The following MARCHF1 variants were observed in gnomAD, a reference collection of about 807,000 sequenced individuals.
The protein encoded by MARCHF1 is E3 ubiquitin-protein ligase MARCHF1.
Under a neutral mutation model 54.2 loss-of-function variants are expected in MARCHF1, and 40 were observed. That is an observed-to-expected ratio of 0.74 (90% CI 0.57 to 0.96). The LOEUF (loss-of-function observed/expected upper bound fraction) is 0.96, where lower values mean the gene tolerates loss of function less well. MARCHF1 is among the 40% of genes least tolerant of loss of function. MARCHF1 has a pLI of 0.00. For missense variants in MARCHF1, 586 were observed against 656.5 expected, an observed-to-expected ratio of 0.89 and a Z score of 1.17; for synonymous variants, 236 against 236.3, an observed-to-expected ratio of 1.00 and a Z score of 0.01.
chr4:164,241,794 G>A (rs1017687205), intron 1 of MARCHF1, among the ~76,000 whole-genome samples: 1 of 152,216 alleles, frequency 6.6e-6, no homozygotes, highest in African/African-American at 2.4e-5. Context: ...CCGAAGCAGG[G>A]CGAGGCATTG....
chr4:164,370,059 C>T (rs1047107600), intron 1 of MARCHF1, among the ~76,000 whole-genome samples: 1 of 152,162 alleles, frequency 6.6e-6, no homozygotes, highest in African/African-American at 2.4e-5. Context: ...ATCATTGCAG[C>T]ACATTCAAGA....
intron 2 of MARCHF1, among the ~76,000 whole-genome samples, chr4:163,991,319 G>C (rs1360796294): frequency 6.6e-6 from 1 of 152,034 alleles, no homozygotes; most frequent in Non-Finnish European, 1.5e-5. Flanking sequence ...CTGTATCAGG[G>C]GAAAAACATG....
Position 163,737,743 on chromosome 4 carries a change from A to G in MARCHF1, c.112-36880T>C. On this transcript the variant is annotated intron_variant, in intron 4 of 9. Transcript: ENST00000514618. Reference sequence around the variant, plus strand: ...CACACCAGTTAGAATGGCAATCATTAAAAAGTCAGGAAACAACAGGTGCTG... The same window carrying G: ...CACACCAGTTAGAATGGCAATCATTGAAAAGTCAGGAAACAACAGGTGCTG... Among the ~76,000 whole-genome samples the G allele has an allele frequency of 1.7e-5, 2 of 119,850 alleles. 1 individual carries two copies. The highest frequency in any genetic ancestry group is 4.1e-5 in the Non-Finnish European group (2 of 49,012). The allele number at this position is 119,850 out of a possible 152,430, so 78.6% of individuals were successfully genotyped here.
chr4:164,012,388 A>G (rs1432110707), intron 2 of MARCHF1, among the ~76,000 whole-genome samples: 3 of 152,206 alleles, frequency 2.0e-5, no homozygotes, highest in Admixed American at 6.5e-5. Context: ...GATTCCTGAA[A>G]CCCCAGATTC....
At chr4:163,679,205 T>C (rs56306711) in intron 5 of MARCHF1, among the ~76,000 whole-genome samples, 47,014 of 152,220 alleles carry the variant, frequency 0.31, 9,293 homozygotes, top group Non-Finnish European at 0.46. Context: ...CTGGACCTCA[T>C]GTTTGAACTG....
chr4:163,933,834 T>C (rs1301106827), intron 3 of MARCHF1, among the ~76,000 whole-genome samples: 5 of 152,238 alleles, frequency 3.3e-5, no homozygotes, highest in African/African-American at 1.2e-4. Flanking sequence ...TATATATCTG[T>C]GGCAACAGGG....
chr4:163,529,030 T>C lies in MARCHF1; in HGVS notation c.1356A>G (p.Pro452=), dbSNP rs1231467637. 1.9e-6 allele frequency: 3 copies of C among 1,607,280 alleles called. No individual in the cohort carries two copies. Among genetic ancestry groups the C allele is most frequent in the Non-Finnish European group, 2.6e-6 (3 of 1,175,170 alleles). Residue 452 remains proline (P), a synonymous_variant, in exon 10 of 10, where the codon CCA becomes CCG. Transcript: ENST00000514618. Reference sequence around the variant, plus strand: ...CTACCACAACCAGTTTTGTCCAAAATGGCCATTCAAGGACACCTTTGAAAT... The same window carrying C: ...CTACCACAACCAGTTTTGTCCAAAACGGCCATTCAAGGACACCTTTGAAAT... ...QGNDNGVLEW[P]FWTKLVVVAI...
At chr4:164,127,536 G>A (rs1431278639) in intron 1 of MARCHF1, among the ~76,000 whole-genome samples, 2 of 152,094 alleles carry the variant, frequency 1.3e-5, no homozygotes, top group Non-Finnish European at 2.9e-5. Context: ...ATATTCAAGA[G>A]CTGAAACAAT....
intron 2 of MARCHF1, among the ~76,000 whole-genome samples, chr4:164,096,931 C>T (rs4574359): frequency 0.84 from 127,675 of 152,102 alleles, 54,092 homozygotes; most frequent in Non-Finnish European, 0.89. Flanking sequence ...GAAGAAATCA[C>T]TGAAGCCTTT....
chr4:164,330,911 C>T (rs112996225), intron 1 of MARCHF1, among the ~76,000 whole-genome samples: 71 of 152,182 alleles, frequency 4.7e-4, no homozygotes, highest in African/African-American at 9.6e-4. Context: ...GATATAATGA[C>T]GCTCCAGTTC....
At position 163,548,501 on chromosome 4, in the gene MARCHF1, A is replaced by G. The variant is rs1738986839; in HGVS notation, c.1192-2758T>C. Among the ~76,000 whole-genome samples the G allele has an allele frequency of 3.3e-5, 5 of 152,342 alleles. No homozygotes were observed. In the South Asian group the frequency reaches 1.0e-3, roughly 32 times the overall value. ...AGAATGGACCAAATCATTTGTAAAG[A>G]TTCATCTAGTTCCAGACAATAGAAG... On this transcript the variant is annotated intron_variant, in intron 8 of 9. Coordinates refer to ENST00000514618, the MANE Select transcript of MARCHF1 (RefSeq NM_001394959.1).
At chr4:163,608,510 A>G (rs1479422578) in intron 7 of MARCHF1, among the ~76,000 whole-genome samples, 1 of 152,104 alleles carries the variant, frequency 6.6e-6, no homozygotes, top group Non-Finnish European at 1.5e-5. Flanking sequence ...AAAAAGTTTC[A>G]ATCATGGGCT....
At chr4:164,183,814 T>C (rs1730895508) in intron 1 of MARCHF1, among the ~76,000 whole-genome samples, 1 of 152,164 alleles carries the variant, frequency 6.6e-6, no homozygotes. Context: ...GTCAGGATTG[T>C]ATGGGAGCAT....
intron 3 of MARCHF1, among the ~76,000 whole-genome samples, chr4:163,906,011 GA>G (rs1241383854): frequency 6.6e-6 from 1 of 152,082 alleles, no homozygotes; most frequent in East Asian, 1.9e-4. Flanking sequence ...ATGTCTGTCA[GA>G]CAAAATAAGA....
chr4:163,707,972 G>C (rs2111248119), intron 4 of MARCHF1, among the ~76,000 whole-genome samples: 1 of 151,812 alleles, frequency 6.6e-6, no homozygotes, highest in East Asian at 1.9e-4. Flanking sequence ...CACAGAGGGG[G>C]GCCACAGGGA....
At chr4:164,013,474 C>A (rs1389040279) in intron 2 of MARCHF1, among the ~76,000 whole-genome samples, 1 of 151,912 alleles carries the variant, frequency 6.6e-6, no homozygotes, top group Non-Finnish European at 1.5e-5. Context: ...AAAGTTTATT[C>A]AAAGAAATAA....
intron 4 of MARCHF1, among the ~76,000 whole-genome samples, chr4:163,710,330 ACATTC>A (rs1411061129): frequency 6.6e-6 from 1 of 152,182 alleles, no homozygotes; most frequent in East Asian, 1.9e-4. Flanking sequence ...TTTTGCCATT[ACATTC>A]AATGACAAAA....
chr4:164,245,369 T>A (rs1444987084), intron 1 of MARCHF1, among the ~76,000 whole-genome samples: 2 of 152,240 alleles, frequency 1.3e-5, no homozygotes, highest in African/African-American at 4.8e-5. Flanking sequence ...TCTCAATAGA[T>A]GCAGAAAAGG....
chr4:164,178,274 G>C (rs769706489), intron 1 of MARCHF1, among the ~76,000 whole-genome samples: 6 of 152,158 alleles, frequency 3.9e-5, no homozygotes, highest in Non-Finnish European at 8.8e-5. Flanking sequence ...CTTTAGTTTG[G>C]AGATGCCTAA....
Sources: allele counts gnomAD v4.1 joint callset (sites outside exome capture counted in the v4.1 genomes callset), GRCh38; gene constraint gnomAD v4.1.1; transcripts MANE v1.5; gene names NCBI Gene and HGNC (gene_info 2026-07-23, HGNC 2026-07-21).